Variants in RORA observed in about 807,000 individuals in gnomAD.
The protein encoded by RORA is RAR related orphan receptor A.
RORA carries 7 observed loss-of-function variants against 69.5 expected under a neutral mutation model. The ratio of observed to expected loss-of-function variants is 0.10; its 90% confidence interval spans 0.06 to 0.19. The LOEUF is 0.19. Among genes scored for constraint, RORA ranks in the 10% least tolerant of loss-of-function variants. The pLI is 1.00. For missense variants in RORA, 457 were observed against 663.0 expected, an observed-to-expected ratio of 0.69 and a Z score of 3.41; for synonymous variants, 261 against 240.8, an observed-to-expected ratio of 1.08 and a Z score of -0.78.
At chr15:61,200,661 C>G (rs980022521) in intron 1 of RORA, among the ~76,000 whole-genome samples, 2 of 152,182 alleles carry the variant, frequency 1.3e-5, no homozygotes, top group African/African-American at 4.8e-5. Flanking sequence ...TTGGCTGACT[C>G]AGGAGGGCAC....
At chr15:60,628,843 G>A (rs916036652) in intron 2 of RORA, among the ~76,000 whole-genome samples, 9 of 152,130 alleles carry the variant, frequency 5.9e-5, no homozygotes, top group Non-Finnish European at 8.8e-5. Flanking sequence ...ATGACCTATT[G>A]CAGCTCAAGA....
intron 1 of RORA, among the ~76,000 whole-genome samples, chr15:60,864,203 A>G (rs1257513318): frequency 2.0e-5 from 3 of 152,196 alleles, no homozygotes; most frequent in African/African-American, 7.2e-5. Context: ...ATTAAAAAGG[A>G]AGAGAAAATG....
intron 1 of RORA, among the ~76,000 whole-genome samples, chr15:61,119,902 A>G (rs1312408727): frequency 1.3e-5 from 2 of 152,198 alleles, no homozygotes; most frequent in Admixed American, 1.3e-4. Context: ...TGTACAGTAC[A>G]AGGGGTTGAG....
intron 1 of RORA, chr15:61,176,244 C>CA: frequency 6.6e-6 from 1 of 152,322 alleles, no homozygotes; most frequent in African/African-American, 2.4e-5. Context: ...GGTAGATAGT[C>CA]AGACTATTTG....
intron 1 of RORA, among the ~76,000 whole-genome samples, chr15:60,963,556 G>T (rs1231456154): frequency 2.0e-5 from 3 of 152,214 alleles, no homozygotes; most frequent in Non-Finnish European, 4.4e-5. Context: ...CCTCCTGGAC[G>T]GGGTAAGCCA....
At chr15:61,033,767 T>G (rs955713341) in intron 1 of RORA, among the ~76,000 whole-genome samples, 2 of 152,114 alleles carry the variant, frequency 1.3e-5, no homozygotes, top group African/African-American at 4.8e-5. Flanking sequence ...AAAACAGGGA[T>G]GTAAAATATC....
chr15:61,203,720 GAATA>G (rs371627456), intron 1 of RORA, among the ~76,000 whole-genome samples: 3 of 152,122 alleles, frequency 2.0e-5, no homozygotes, highest in Non-Finnish European at 2.9e-5. Flanking sequence ...GTCTTGAGCA[GAATA>G]AATAAATAGA....
At chr15:60,850,730 G>A (rs1443309775) in intron 1 of RORA, among the ~76,000 whole-genome samples, 2 of 152,128 alleles carry the variant, frequency 1.3e-5, no homozygotes, top group Non-Finnish European at 1.5e-5. Flanking sequence ...CTCTGAGCAG[G>A]GAGCCCTGTA....
intron 1 of RORA, among the ~76,000 whole-genome samples, chr15:61,115,436 C>T (rs2079042300): frequency 6.6e-6 from 1 of 152,184 alleles, no homozygotes; most frequent in South Asian, 2.1e-4. Flanking sequence ...CACAGCCTGC[C>T]GGCCACAGCC....
At chr15:61,176,569 C>CT (rs2140899239) in intron 1 of RORA, 1 of 152,288 alleles carries the variant, frequency 6.6e-6, no homozygotes, top group South Asian at 2.1e-4. Context: ...ACCTCAGTCT[C>CT]CCAAAATGCT....
intron 1 of RORA, among the ~76,000 whole-genome samples, chr15:61,021,107 G>A (rs1222173825): frequency 3.9e-5 from 6 of 152,138 alleles, no homozygotes; most frequent in Non-Finnish European, 7.4e-5. Context: ...TAGCAGCTGC[G>A]GCAAGCACCA....
intron 1 of RORA, among the ~76,000 whole-genome samples, chr15:60,965,294 T>C (rs898496970): frequency 4.6e-5 from 7 of 152,166 alleles, no homozygotes; most frequent in Non-Finnish European, 8.8e-5. Flanking sequence ...TACCCTGTCA[T>C]AGAGCATCCC....
chr15:60,835,212 C>A (rs1345655513), intron 1 of RORA, among the ~76,000 whole-genome samples: 5 of 152,192 alleles, frequency 3.3e-5, no homozygotes, highest in African/African-American at 1.2e-4. Context: ...ACACTGCACA[C>A]AAATTGCTCT....
intron 1 of RORA, among the ~76,000 whole-genome samples, chr15:60,904,125 C>T (rs749284564): frequency 5.9e-5 from 9 of 152,086 alleles, no homozygotes; most frequent in Non-Finnish European, 1.2e-4. Context: ...ATATAACTAT[C>T]GTAATATATT....
rs939373533 is a variant in RORA at position 60,519,855 on chromosome 15, C to A, written c.283-5098G>T. 3 of 150,950 alleles carry A rather than the reference C, an allele frequency of 2.0e-5. No homozygotes were observed. In the East Asian group the frequency reaches 5.8e-4, roughly 29 times the overall value. 9.4% of individuals were successfully genotyped at this position (150,950 alleles called of 1,614,324 possible). A position where few individuals can be genotyped will look rare whatever the true frequency, so the allele number is the denominator to read the frequency against. On this transcript the variant is annotated intron_variant, in intron 3 of 10. Transcript: ENST00000335670. ...ACAAACAAACAAACAAACAAACAAA[C>A]AATGAAACTTACTGCAAGGGCACAG...
In RORA at chr15:60,531,864, C is replaced by T. The variant is rs1347984130; in HGVS notation, c.197-13G>A. On this transcript the variant is annotated splice_polypyrimidine_tract_variant and intron_variant, in intron 2 of 10. Coordinates refer to ENST00000335670, the MANE Select transcript of RORA (RefSeq NM_134261.3). This position sits in a 1 kb window ranked among gnomAD's most constrained non-coding sequence, Gnocchi z 4.8. Reference sequence around the variant, plus strand: ...ATTTCAATTTGAGCTGCAACAGAAGCACGCAACCAGTTAATTACATTTTCT... The same window carrying T: ...ATTTCAATTTGAGCTGCAACAGAAGTACGCAACCAGTTAATTACATTTTCT... The T allele has an allele frequency of 1.5e-5, 23 of 1,537,502 alleles. No individual in the cohort carries two copies. The highest frequency in any genetic ancestry group is 2.0e-5 in the Admixed American group (1 of 51,244).
Position 61,075,250 on chromosome 15 carries a change from G to A in RORA, c.166+153803C>T, listed in dbSNP as rs997717181. Among the ~76,000 whole-genome samples, 3 of 152,144 alleles carry A rather than the reference G, an allele frequency of 2.0e-5. 1 individual carries two copies. Among genetic ancestry groups the A allele is most frequent in the Non-Finnish European group, 4.4e-5 (3 of 68,028 alleles). ...CAGACACAAAAGCACCATGAATTGA[G>A]AAAGTCCGGGAGCTTTAGGAATCTG... On this transcript the variant is annotated intron_variant, in intron 1 of 10. Transcript: ENST00000335670.
chr15:60,658,163 C>T (rs930560883), intron 2 of RORA, among the ~76,000 whole-genome samples: 1 of 152,050 alleles, frequency 6.6e-6, no homozygotes, highest in East Asian at 1.9e-4. Context: ...TCACTGCAGC[C>T]TCTGCCTCCT....
chr15:60,750,688 T>G (rs2071711507), intron 1 of RORA, among the ~76,000 whole-genome samples: 1 of 152,198 alleles, frequency 6.6e-6, no homozygotes. Context: ...TAGTAATCTA[T>G]TCCCTTTTGT....
Sources: gnomAD v4.1 joint callset for allele counts (sites outside exome capture counted in the v4.1 genomes callset) on GRCh38, gnomAD v4.1.1 for gene constraint, Gnocchi (gnomAD v3.1) non-coding constraint, MANE v1.5 for transcripts, NCBI Gene and HGNC (gene_info 2026-07-23, HGNC 2026-07-21) for gene names.